GRIK1: variants seen among roughly 807,000 people sequenced by gnomAD.
The protein encoded by GRIK1 is glutamate ionotropic receptor kainate type subunit 1, also known as glutamate receptor ionotropic, kainate 1.
GRIK1 carries 69 observed loss-of-function variants against 105.7 expected under a neutral mutation model. The observed-to-expected ratio is 0.65, with a 90% confidence interval of 0.54 to 0.80. The LOEUF is 0.80. Ranked by LOEUF, GRIK1 falls within the 30% of genes least tolerant of loss-of-function variation. The pLI is 0.00. For missense variants in GRIK1, 1,109 were observed against 1,167.3 expected (o/e 0.95, Z 0.73); for synonymous variants, 438 against 431.3 (o/e 1.02, Z -0.19).
intron 1 of GRIK1, among the ~76,000 whole-genome samples, chr21:29,737,883 A>G (rs1046827343): frequency 3.9e-5 from 6 of 152,250 alleles, no homozygotes; most frequent in African/African-American, 1.2e-4. Context: ...CCATAACATG[A>G]CTTTGAGGGT....
At chr21:29,778,065 A>T (rs1248826767) in intron 1 of GRIK1, among the ~76,000 whole-genome samples, 4 of 152,176 alleles carry the variant, frequency 2.6e-5, no homozygotes, top group African/African-American at 9.7e-5. Flanking sequence ...AATCATAGGG[A>T]CACTGTGAGG....
At chr21:29,695,466 A>C (rs1568985339) in intron 1 of GRIK1, among the ~76,000 whole-genome samples, 1 of 146,276 alleles carries the variant, frequency 6.8e-6, no homozygotes, top group Non-Finnish European at 1.5e-5. Context: ...CTATCTATCT[A>C]TCTATCTATC....
intron 7 of GRIK1, among the ~76,000 whole-genome samples, chr21:29,610,496 T>A (rs1157906447): frequency 6.6e-6 from 1 of 152,110 alleles, no homozygotes; most frequent in East Asian, 1.9e-4. Flanking sequence ...AATTGAAAGA[T>A]GCTACTTTCA....
rs1486047248 is a variant in GRIK1, at chr21:29,591,193, G to A, written c.1284C>T (p.Asn428=). The part of the protein sequence containing the change: ...IGIWNSNSGL[N]MTDSNKDKSS... Reference sequence around the variant, plus strand: ...ACTTGTCTTTGTTGCTGTCCGTCATGTTAAGCCCACTGTTGGAATTCCAAA... The same window carrying A: ...ACTTGTCTTTGTTGCTGTCCGTCATATTAAGCCCACTGTTGGAATTCCAAA... Residue 428 remains asparagine (N), a synonymous_variant, in exon 10 of 18, where the codon AAC becomes AAT. Coordinates refer to ENST00000327783, the MANE Select transcript of GRIK1 (RefSeq NM_001330994.2). 7 of 1,609,900 alleles carry A rather than the reference G, an allele frequency of 4.3e-6. No homozygotes were observed. Among genetic ancestry groups the A allele is most frequent in the Non-Finnish European group, 6.0e-6 (7 of 1,176,144 alleles).
At chr21:29,859,617 T>C (rs186078029) in intron 1 of GRIK1, among the ~76,000 whole-genome samples, 7 of 152,256 alleles carry the variant, frequency 4.6e-5, no homozygotes, top group Admixed American at 3.9e-4. Context: ...CCAGCAGTAA[T>C]GCACTTGGCC....
intron 1 of GRIK1, among the ~76,000 whole-genome samples, chr21:29,739,815 A>G (rs1326904344): frequency 1.3e-5 from 2 of 152,212 alleles, no homozygotes; most frequent in Non-Finnish European, 2.9e-5. Context: ...ATTTCCACCA[A>G]CATCCATTTA....
chr21:29,729,743 C>A (rs2064563673), intron 1 of GRIK1, among the ~76,000 whole-genome samples: 1 of 152,112 alleles, frequency 6.6e-6, no homozygotes, highest in African/African-American at 2.4e-5. Context: ...ATGTCTGTAA[C>A]TGTAGTAGAG....
intron 14 of GRIK1, among the ~76,000 whole-genome samples, chr21:29,565,799 TA>T (rs2090599523): frequency 6.6e-6 from 1 of 152,168 alleles, no homozygotes. Flanking sequence ...GAGTTTCACA[TA>T]AGGAGATGCT....
At chr21:29,797,348 T>C (rs573181575) in intron 1 of GRIK1, among the ~76,000 whole-genome samples, 2 of 152,232 alleles carry the variant, frequency 1.3e-5, no homozygotes, top group Non-Finnish European at 2.9e-5. Flanking sequence ...GGTTCTGAGA[T>C]GGAGGAGTTG....
At chr21:29,909,042 TTA>T (rs984716267) in intron 1 of GRIK1, among the ~76,000 whole-genome samples, 16 of 152,256 alleles carry the variant, frequency 1.1e-4, no homozygotes, top group Non-Finnish European at 2.1e-4. Flanking sequence ...TAAAATAAAT[TTA>T]TGTTTTATTT....
intron 1 of GRIK1, among the ~76,000 whole-genome samples, chr21:29,854,224 G>C (rs141953708): frequency 9.2e-5 from 14 of 152,210 alleles, no homozygotes; most frequent in African/African-American, 2.9e-4. Flanking sequence ...AGCGAGTGGG[G>C]CTGCGCTGTT....
Position 29,929,444 on chromosome 21 carries a change from G to T in GRIK1, c.118+9939C>A, listed in dbSNP as rs932678094. On this transcript the variant is annotated intron_variant, in intron 1 of 17. Transcript: ENST00000327783. ...ACCAATAAACTTCCCTTTTCCACAT[G>T]AACTAACTGAAAGTTATCATGTATA... Among the ~76,000 whole-genome samples, 7 of 152,140 alleles carry T rather than the reference G, an allele frequency of 4.6e-5. No homozygotes were observed. In the South Asian group the frequency reaches 1.5e-3, roughly 32 times the overall value.
chr21:29,622,749 C>T (rs1166717491), intron 7 of GRIK1, among the ~76,000 whole-genome samples: 1 of 152,158 alleles, frequency 6.6e-6, no homozygotes, highest in Non-Finnish European at 1.5e-5. Context: ...TTCCTTACTC[C>T]ATTACTCATT....
Position 29,596,544 on chromosome 21 carries a change from C to G in GRIK1, c.1233G>C (p.Leu411Phe). ...TACAAACCTTCTTCCACACTTTATACAAGTGTTTAGACACTTCGCCAGCAG... is the reference window on the plus strand; with the variant it reads ...TACAAACCTTCTTCCACACTTTATAGAAGTGTTTAGACACTTCGCCAGCAG... The part of the protein sequence containing the change: ...EKAAGEVSKH[L>F]YKVWKKIGIW... Residue 411 changes from leucine to phenylalanine, a missense_variant, in exon 9 of 18, where the codon TTG becomes TTC. Coordinates refer to ENST00000327783, the MANE Select transcript of GRIK1 (RefSeq NM_001330994.2). 1 of 1,608,892 alleles carries G rather than the reference C, an allele frequency of 6.2e-7. No individual in the cohort carries two copies. Among genetic ancestry groups the G allele is most frequent in the Non-Finnish European group, 8.5e-7 (1 of 1,175,194 alleles).
chr21:29,735,818 G>A (rs1416918497), intron 1 of GRIK1, among the ~76,000 whole-genome samples: 1 of 139,294 alleles, frequency 7.2e-6, no homozygotes, highest in Non-Finnish European at 1.5e-5. Flanking sequence ...CTGCACTCCA[G>A]CCTGGGCGAC....
chr21:29,921,960 G>A (rs1158002662), intron 1 of GRIK1, among the ~76,000 whole-genome samples: 1 of 152,110 alleles, frequency 6.6e-6, no homozygotes, highest in Admixed American at 6.6e-5. Flanking sequence ...GCTTTTGATA[G>A]CATCCTAAAG....
At chr21:29,778,502 G>T (rs2066005968) in intron 1 of GRIK1, among the ~76,000 whole-genome samples, 1 of 152,150 alleles carries the variant, frequency 6.6e-6, no homozygotes, top group South Asian at 2.1e-4. Flanking sequence ...TTGATGGACA[G>T]GACTAATGTC....
intron 1 of GRIK1, among the ~76,000 whole-genome samples, chr21:29,813,913 CTTTTT>C (rs35127743): frequency 7.9e-6 from 1 of 126,282 alleles, no homozygotes; most frequent in African/African-American, 2.9e-5. Flanking sequence ...AAGAAACATT[CTTTTT>C]TTTTTTTTTT....
chr21:29,630,104 A>G (rs1012155182), intron 7 of GRIK1, among the ~76,000 whole-genome samples: 1 of 152,198 alleles, frequency 6.6e-6, no homozygotes, highest in African/African-American at 2.4e-5. Flanking sequence ...AAAGGAATTA[A>G]GGGTATTCCT....
Sources: allele counts gnomAD v4.1 joint callset (sites outside exome capture counted in the v4.1 genomes callset), GRCh38; gene constraint gnomAD v4.1.1; transcripts MANE v1.5; gene names NCBI Gene and HGNC (gene_info 2026-07-23, HGNC 2026-07-21).